Variants in TMEM181 observed in about 807,000 individuals in gnomAD.
The protein encoded by TMEM181 is transmembrane protein 181.
A neutral mutation model predicts 71.9 loss-of-function variants in TMEM181; 39 were observed. That is an observed-to-expected ratio of 0.54 (90% CI 0.42 to 0.71). The LOEUF is 0.71. TMEM181 is among the 30% of genes least tolerant of loss of function. TMEM181 has a pLI of 0.00. For missense variants in TMEM181, 595 were observed against 583.0 expected, an observed-to-expected ratio of 1.02 and a Z score of -0.21; for synonymous variants, 245 against 228.8, an observed-to-expected ratio of 1.07 and a Z score of -0.64.
At position 158,570,617 on chromosome 6, in the gene TMEM181, G is replaced by T. The variant is rs1467210584; in HGVS notation, c.9-2803G>T. Among the ~76,000 whole-genome samples the T allele has an allele frequency of 5.9e-5, 9 of 152,050 alleles. 1 individual carries two copies. The highest frequency in any genetic ancestry group is 1.0e-4 in the Non-Finnish European group (7 of 67,990). ...TACGTGCCCAAGATGCTGCAGCCCTGCCCTCTGCACCCACACTCTGCAGAG... is the reference window on the plus strand; with the variant it reads ...TACGTGCCCAAGATGCTGCAGCCCTTCCCTCTGCACCCACACTCTGCAGAG... On this transcript the variant is annotated intron_variant, in intron 1 of 16. Coordinates refer to ENST00000684151, the MANE Select transcript of TMEM181 (RefSeq NM_001376852.1).
intron 1 of TMEM181, among the ~76,000 whole-genome samples, chr6:158,542,099 G>A (rs1037171713): frequency 1.3e-5 from 2 of 151,776 alleles, no homozygotes; most frequent in African/African-American, 4.8e-5. Context: ...TAGAGATGGG[G>A]CTTCATCATG....
intron 1 of TMEM181, among the ~76,000 whole-genome samples, chr6:158,553,734 GTTTA>G (rs1781788261): frequency 6.6e-6 from 1 of 152,088 alleles, no homozygotes; most frequent in East Asian, 1.9e-4. Flanking sequence ...TTAAAAGCTA[GTTTA>G]TTTATTAAAG....
In TMEM181 at chr6:158,632,200, ACT is replaced by A; in HGVS notation, c.*313_*314del. On this transcript the variant is annotated 3_prime_UTR_variant, in exon 17 of 17. Transcript: ENST00000684151. The stretch of plus-strand genomic sequence containing the variant: ...ACGTTTTTAGTACAGTGAATTATGT[ACT>A]TTTTTTTCCTGTAATCATTCACTGA... The A allele has an allele frequency of 3.1e-6, 1 of 322,338 alleles. No homozygotes were observed. The highest frequency in any genetic ancestry group is 2.1e-5 in the African/African-American group (1 of 47,130). 20.0% of individuals were successfully genotyped at this position (322,338 alleles called of 1,614,324 possible). A position where few individuals can be genotyped will look rare whatever the true frequency, so the allele number is the denominator to read the frequency against.
chr6:158,600,777 G>A (rs2128312203), intron 6 of TMEM181, among the ~76,000 whole-genome samples: 1 of 152,124 alleles, frequency 6.6e-6, no homozygotes, highest in African/African-American at 2.4e-5. Flanking sequence ...GGCCCTAGTG[G>A]TAATTTTTAA....
At chr6:158,612,127 A>G (rs1325282567) in intron 10 of TMEM181, among the ~76,000 whole-genome samples, 2 of 152,232 alleles carry the variant, frequency 1.3e-5, no homozygotes, top group South Asian at 2.1e-4. Flanking sequence ...TTCGGTGGTT[A>G]CCCAAGAGAC....
At chr6:158,577,656 A>G (rs1229431471) in intron 2 of TMEM181, among the ~76,000 whole-genome samples, 1 of 152,206 alleles carries the variant, frequency 6.6e-6, no homozygotes, top group Non-Finnish European at 1.5e-5. Context: ...ATCAAACTGT[A>G]GAAAGCCAAA....
Position 158,583,616 on chromosome 6 carries a change from C to T in TMEM181, c.169-338C>T, listed in dbSNP as rs141348187. On this transcript the variant is annotated intron_variant, in intron 3 of 16. Coordinates refer to ENST00000684151, the MANE Select transcript of TMEM181 (RefSeq NM_001376852.1). ...GAGATCGAGACCATCCTGGCTAACA[C>T]GGTGAAACTCCGTCTGTACTAGAAA... Among the ~76,000 whole-genome samples the T allele has an allele frequency of 1.6e-3, 249 of 152,198 alleles. 4 individuals are homozygous for T. In the East Asian group the frequency reaches 0.039, roughly 24 times the overall value.
intron 15 of TMEM181, 132 bp from the exon 16 acceptor site, chr6:158,631,191 A>C (rs1224445141): frequency 6.6e-6 from 6 of 913,072 alleles, no homozygotes; most frequent in Non-Finnish European, 1.1e-5. Context: ...GTTCAGGTTT[A>C]TACAGACATG....
chr6:158,622,498 G>A (rs535465158), intron 10 of TMEM181, among the ~76,000 whole-genome samples: 20 of 152,294 alleles, frequency 1.3e-4, no homozygotes, highest in Admixed American at 9.8e-4. Context: ...GTTTGCAGCC[G>A]GGGTACACAG....
chr6:158,633,023 T>G lies in TMEM181; in HGVS notation c.*1135T>G, dbSNP rs1296043688. On this transcript the variant is annotated 3_prime_UTR_variant, in exon 17 of 17. Transcript: ENST00000684151. ...GGTCAAGGCTGCAGTGAGCCATGAT[T>G]GCACCACTGCACTCCAGCCTGGGTG... The G allele has an allele frequency of 3.3e-5, 5 of 152,230 alleles. No homozygotes were observed. Among genetic ancestry groups the G allele is most frequent in the African/African-American group, 1.2e-4 (5 of 41,436 alleles). The allele number at this position is 152,230 out of a possible 1,614,324, so 9.4% of individuals were successfully genotyped here.
chr6:158,565,636 A>AGAGT (rs1212879900), intron 1 of TMEM181, among the ~76,000 whole-genome samples: 2 of 152,208 alleles, frequency 1.3e-5, no homozygotes, highest in Non-Finnish European at 2.9e-5. Context: ...AAAACAGGGA[A>AGAGT]GAGTGAGTTA....
intron 2 of TMEM181, among the ~76,000 whole-genome samples, chr6:158,576,408 C>T (rs994312496): frequency 1.3e-5 from 2 of 152,096 alleles, no homozygotes; most frequent in East Asian, 3.9e-4. Flanking sequence ...TTGTACCTCC[C>T]TCAATTGTTG....
intron 1 of TMEM181, among the ~76,000 whole-genome samples, chr6:158,566,305 C>A (rs1782490737): frequency 6.6e-6 from 1 of 151,712 alleles, no homozygotes; most frequent in Non-Finnish European, 1.5e-5. Flanking sequence ...ATTGTTCATA[C>A]CTGCATCCTC....
In TMEM181 at chr6:158,632,200, ACTTTT is replaced by A. The variant is rs1338178872; in HGVS notation, c.*313_*317del. ...ACGTTTTTAGTACAGTGAATTATGT[ACTTTT>A]TTTTCCTGTAATCATTCACTGATTC... On this transcript the variant is annotated 3_prime_UTR_variant, in exon 17 of 17. Transcript: ENST00000684151. 6.2e-6 allele frequency: 2 copies of A among 322,220 alleles called. No homozygotes were observed. Among genetic ancestry groups the A allele is most frequent in the Non-Finnish European group, 1.2e-5 (2 of 170,240 alleles). The allele number at this position is 322,220 out of a possible 1,614,324, so 20.0% of individuals were successfully genotyped here. A position where few individuals can be genotyped will look rare whatever the true frequency, so the allele number is the denominator to read the frequency against.
At chr6:158,623,687 TTC>T (rs1786105570) in intron 11 of TMEM181, 80 bp downstream of exon 11, 1 of 1,064,776 alleles carries the variant, frequency 9.4e-7, no homozygotes, top group South Asian at 1.6e-5. Flanking sequence ...ACTTAAATTG[TTC>T]TGTTGAGCTT....
At chr6:158,582,680 AAG>A (rs1386330765) in intron 3 of TMEM181, among the ~76,000 whole-genome samples, 4 of 151,864 alleles carry the variant, frequency 2.6e-5, no homozygotes, top group Non-Finnish European at 5.9e-5. Context: ...AAGAAAAAAA[AAG>A]AAAAAACCCA....
chr6:158,609,081 G>C (rs575846894), intron 10 of TMEM181, among the ~76,000 whole-genome samples: 2 of 150,446 alleles, frequency 1.3e-5, no homozygotes, highest in East Asian at 3.9e-4. Flanking sequence ...CTGGGCAACA[G>C]AGTGAGACCT....
chr6:158,619,698 G>A (rs963818289), intron 10 of TMEM181, among the ~76,000 whole-genome samples: 23 of 152,094 alleles, frequency 1.5e-4, no homozygotes, highest in African/African-American at 4.6e-4. Context: ...GTGAAATGCC[G>A]TCTGTACTAA....
At chr6:158,572,001 T>G (rs1031649172) in intron 1 of TMEM181, among the ~76,000 whole-genome samples, 1 of 152,226 alleles carries the variant, frequency 6.6e-6, no homozygotes, top group Non-Finnish European at 1.5e-5. Context: ...GGGTGAGTGT[T>G]TGCACTGAGT....
Sources: allele counts gnomAD v4.1 joint callset (sites outside exome capture counted in the v4.1 genomes callset), GRCh38; gene constraint gnomAD v4.1.1; transcripts MANE v1.5; gene names NCBI Gene and HGNC (gene_info 2026-07-23, HGNC 2026-07-21).